Variants in SLC34A1 observed in about 807,000 individuals in gnomAD.
SLC34A1 encodes solute carrier family 34 member 1.
In SLC34A1, 57 loss-of-function variants were observed where a neutral mutation model predicts 51.4. That is an observed-to-expected ratio of 1.11 (90% confidence interval 0.90 to 1.38). The LOEUF (loss-of-function observed/expected upper bound fraction) is 1.38, where lower values mean the gene tolerates loss of function less well. Ranked by LOEUF, SLC34A1 falls within the 40% of genes most tolerant of loss-of-function variation. The pLI, the probability that SLC34A1 is intolerant of heterozygous loss-of-function variation, is 0.00. For synonymous variants in SLC34A1, 368 were observed against 358.0 expected (o/e 1.03, Z -0.32); for missense variants, 796 against 835.6 (o/e 0.95, Z 0.58).
In SLC34A1 at chr5:177,397,958, T is replaced by A; in HGVS notation, c.1592T>A (p.Phe531Tyr). The change falls in exon 13 of 13, where the codon TTT (phenylalanine) becomes TAT (tyrosine). Residue 531 changes from phenylalanine (F) to tyrosine (Y), a missense_variant. Phe to Tyr is a conservative substitution (Grantham distance 22). Transcript: ENST00000324417. Reference sequence around the variant, plus strand: ...TTCCTGCTGCTGCCCTCACTGGTGTTTGGCATCTCCATGGCAGGCTGGCAG... The same window carrying A: ...TTCCTGCTGCTGCCCTCACTGGTGTATGGCATCTCCATGGCAGGCTGGCAG... ...VCFLLLPSLV[F>Y]GISMAGWQVM... The A allele has an allele frequency of 6.2e-7, 1 of 1,614,100 alleles. No individual in the cohort carries two copies. Among genetic ancestry groups the A allele is most frequent in the Non-Finnish European group, 8.5e-7 (1 of 1,180,020 alleles).
rs140110994 is a variant in SLC34A1 at position 177,386,838 on chromosome 5, C to T, written c.532+272C>T. ...GGGCAGGCGGGAACTCTCAGGTGGG[C>T]GCCGACACTGCAGTCCAGACAGGGC... is the stretch of plus-strand genomic sequence containing the variant. On this transcript the variant is annotated intron_variant, in intron 5 of 12. Transcript: ENST00000324417. This position sits in a 1 kb window ranked among gnomAD's most constrained non-coding sequence, Gnocchi z 4.8. 2.7e-5 allele frequency among the ~76,000 whole-genome samples: 4 copies of T among 145,798 alleles called. No homozygotes were observed. Among genetic ancestry groups the T allele is most frequent in the East Asian group, 4.0e-4 (2 of 4,958 alleles).
intron 10 of SLC34A1, among the ~76,000 whole-genome samples, chr5:177,395,898 T>C (rs1330795431): frequency 2.6e-5 from 4 of 152,212 alleles, no homozygotes; most frequent in Non-Finnish European, 5.9e-5. Flanking sequence ...CCTCCCAAAG[T>C]GCTGGGATTA....
chr5:177,393,478 G>A (rs1762870059), intron 8 of SLC34A1, among the ~76,000 whole-genome samples: 1 of 152,114 alleles, frequency 6.6e-6, no homozygotes, highest in African/African-American at 2.4e-5. Flanking sequence ...GGAGTGACAG[G>A]GCAGAACACA....
chr5:177,394,688 C>CTTTTTTTT (rs34736156), intron 10 of SLC34A1, among the ~76,000 whole-genome samples: 4 of 105,100 alleles, frequency 3.8e-5, no homozygotes, highest in African/African-American at 1.2e-4. Flanking sequence ...GAGACTTTGT[C>CTTTTTTTT]TTTTTTTTTT....
intron 5 of SLC34A1, among the ~76,000 whole-genome samples, chr5:177,387,043 G>A (rs949170793): frequency 2.6e-5 from 4 of 151,926 alleles, no homozygotes; most frequent in Non-Finnish European, 4.4e-5. Context: ...TTGAATAACT[G>A]GGTACCACAG....
At chr5:177,385,918 T>TCCCCCGCCTGTTCC (rs2127346094) in intron 2 of SLC34A1, 68 bp downstream of exon 2, 8 of 1,608,838 alleles carry the variant, frequency 5.0e-6, no homozygotes, top group Non-Finnish European at 6.8e-6. Flanking sequence ...TGAGGCCACT[T>TCCCCCGCCTGTTCC]CCCCCGCCTG....
In SLC34A1 at chr5:177,386,000, C is replaced by G. The variant is rs759907707; in HGVS notation, c.123C>G (p.Ile41Met). The G allele has an allele frequency of 1.9e-6, 3 of 1,610,430 alleles. No homozygotes were observed. Among genetic ancestry groups the G allele is most frequent in the African/African-American group, 2.7e-5 (2 of 74,884 alleles). Reference sequence around the variant, plus strand: ...CTCCCTCCCTAGTCCTACACAGGATCCCGGGGACCTCTGCCTATGCCTTCC... The same window carrying G: ...CTCCCTCCCTAGTCCTACACAGGATGCCGGGGACCTCTGCCTATGCCTTCC... ...YVPSPQVLHR[I>M]PGTSAYAFPS... The change falls in exon 3 of 13, where the codon ATC (isoleucine) becomes ATG (methionine). Residue 41 changes from isoleucine (I) to methionine (M), a missense_variant. Transcript: ENST00000324417.
intron 12 of SLC34A1, 125 bp downstream of exon 12, chr5:177,397,199 C>G: frequency 7.8e-7 from 1 of 1,283,882 alleles, no homozygotes; most frequent in Non-Finnish European, 1.1e-6. Context: ...CTAATATGCT[C>G]AATGAAACCA....
Position 177,388,316 on chromosome 5 carries a change from G to T in SLC34A1, c.880G>T (p.Glu294Ter). 6.2e-7 allele frequency: 1 copy of T among 1,614,176 alleles called. No individual in the cohort carries two copies. The highest frequency in any genetic ancestry group is 1.3e-5 in the African/African-American group (1 of 75,026). ...SVITSIATGD[E>*]SLRNHSLIQI... ...GATAACCAGCATTGCCACTGGTGAT[G>T]AGTCCCTGAGGAACCACAGTCTCAT... Residue 294 changes from glutamate (E) to a stop codon, truncating the protein, a stop_gained, in exon 8 of 13, where the codon GAG (glutamate) becomes TAG (stop). Coordinates refer to ENST00000324417, the MANE Select transcript of SLC34A1 (RefSeq NM_003052.5). LOFTEE classifies it high-confidence loss of function. This position sits in a 1 kb window ranked among gnomAD's most constrained non-coding sequence, Gnocchi z 4.3.
intron 12 of SLC34A1, chr5:177,397,307 T>C: frequency 1.8e-6 from 1 of 570,090 alleles, no homozygotes; most frequent in South Asian, 2.0e-5. Flanking sequence ...TGAGTCGGAT[T>C]TGCACCATAA....
rs1363915804 is a variant in SLC34A1, at chr5:177,386,818, G to A, written c.532+252G>A. ...CGTAGGCCAGGGCATTGGAAGGGCA[G>A]GCGGGAACTCTCAGGTGGGCGCCGA... On this transcript the variant is annotated intron_variant, in intron 5 of 12. Coordinates refer to ENST00000324417, the MANE Select transcript of SLC34A1 (RefSeq NM_003052.5). The surrounding 1 kb of genome is among the most constrained non-coding windows in gnomAD (Gnocchi z 4.8). 6.6e-6 allele frequency among the ~76,000 whole-genome samples: 1 copy of A among 152,158 alleles called. No individual in the cohort carries two copies. Among genetic ancestry groups the A allele is most frequent in the Non-Finnish European group, 1.5e-5 (1 of 68,030 alleles).
rs1283776982 is a variant in SLC34A1, at chr5:177,396,806, C to T, written c.1248C>T (p.Val416=). Residue 416 remains valine, a synonymous_variant, in exon 11 of 13, where the codon GTC becomes GTT. Transcript: ENST00000324417. This position sits in a 1 kb window ranked among gnomAD's most constrained non-coding sequence, Gnocchi z 4.0. ...TGGGCGCCAGCATGACCTTCGTGGT[C>T]CAGAGCAGTTCTGTGTTCACCTCGG... ...MVVGASMTFV[V]QSSSVFTSAI... is the part of the protein sequence containing the mutation. 2 of 1,614,234 alleles carry T rather than the reference C, an allele frequency of 1.2e-6. No individual in the cohort carries two copies. The highest frequency in any genetic ancestry group is 3.3e-5 in the Admixed American group (2 of 60,034).
At chr5:177,393,976 G>C in intron 9 of SLC34A1, 52 bp from the exon 10 acceptor site, 1 of 1,608,802 alleles carries the variant, frequency 6.2e-7, no homozygotes. Context: ...GCAAAGGTGG[G>C]GACCTGGGAG....
rs59451832 is a variant in SLC34A1, at chr5:177,386,768, A to T, written c.532+202A>T. On this transcript the variant is annotated intron_variant, in intron 5 of 12. Transcript: ENST00000324417. The surrounding 1 kb of genome is among the most constrained non-coding windows in gnomAD (Gnocchi z 4.8). ...GCAAGGAACTGGCTTCCCCGATGGT[A>T]GTTTGTCTGGGCAAGTCAGGAATCC... Among the ~76,000 whole-genome samples the T allele has an allele frequency of 6.6e-6, 1 of 151,958 alleles. No homozygotes were observed. Among genetic ancestry groups the T allele is most frequent in the Non-Finnish European group, 1.5e-5 (1 of 67,996 alleles).
At chr5:177,385,595 GT>G in intron 1 of SLC34A1, 99 bp from the exon 2 acceptor site, 1 of 700,356 alleles carries the variant, frequency 1.4e-6, no homozygotes, top group East Asian at 2.7e-5. Context: ...GATGGAGGGT[GT>G]GCTTTGCTAG....
chr5:177,393,558 G>C, intron 8 of SLC34A1, 136 bp from the exon 9 acceptor site: 1 of 798,374 alleles, frequency 1.3e-6, no homozygotes, highest in Non-Finnish European at 2.2e-6. Context: ...CAGGCTCAGA[G>C]AGGGCAAGAG....
rs771334532 is a variant in SLC34A1, at chr5:177,387,869, C to T, written c.640C>T (p.Arg214Trp). ...GCAGGCGGGGGACAGGACTGACTTCCGGCGGTGAGGGGGGCTGGGGGTTGG... is the reference window on the plus strand; with the variant it reads ...GCAGGCGGGGGACAGGACTGACTTCTGGCGGTGAGGGGGGCTGGGGGTTGG... ...LMQAGDRTDF[R>W]RAFAGATVHD... Residue 214 changes from arginine (R) to tryptophan (W), a missense_variant, in exon 6 of 13, where the codon CGG becomes TGG. Arg to Trp is a moderately radical substitution (Grantham distance 101). Coordinates refer to ENST00000324417, the MANE Select transcript of SLC34A1 (RefSeq NM_003052.5). The T allele has an allele frequency of 3.0e-5, 28 of 924,980 alleles. No homozygotes were observed. The highest frequency in any genetic ancestry group is 4.3e-5 in the East Asian group (1 of 23,334). The allele number at this position is 924,980 out of a possible 1,614,324, so 57.3% of individuals were successfully genotyped here.
chr5:177,386,583 G>C lies in SLC34A1; in HGVS notation c.532+17G>C, dbSNP rs1451276586. 6.2e-7 allele frequency: 1 copy of C among 1,613,438 alleles called. No individual in the cohort carries two copies. Among genetic ancestry groups the C allele is most frequent in the East Asian group, 2.2e-5 (1 of 44,900 alleles). ...CCTCTGGCTGTGAGTTGGCCCACCA[G>C]GGTGGGGAAGAGCTTGGAGGGGCAC... On this transcript the variant is annotated intron_variant, in intron 5 of 12. Transcript: ENST00000324417. The surrounding 1 kb of genome is among the most constrained non-coding windows in gnomAD (Gnocchi z 4.8).
At position 177,397,999 on chromosome 5, in the gene SLC34A1, G is replaced by C; in HGVS notation, c.1633G>C (p.Gly545Arg). The C allele has an allele frequency of 6.2e-7, 1 of 1,614,090 alleles. No individual in the cohort carries two copies. Among genetic ancestry groups the C allele is most frequent in the Non-Finnish European group, 8.5e-7 (1 of 1,180,012 alleles). The change falls in exon 13 of 13, where the codon GGC becomes CGC. Residue 545 changes from glycine (G) to arginine (R), a missense_variant. Gly to Arg is a moderately radical substitution (Grantham distance 125, BLOSUM62 -2). Transcript: ENST00000324417. The stretch of plus-strand genomic sequence containing the variant: ...AGGCTGGCAGGTCATGGTAGGTGTG[G>C]GCACGCCCTTCGGGGCCCTGCTGGC... ...MAGWQVMVGV[G>R]TPFGALLAFV...
Sources: gnomAD v4.1 joint callset for allele counts (sites outside exome capture counted in the v4.1 genomes callset) on GRCh38, gnomAD v4.1.1 for gene constraint, Gnocchi (gnomAD v3.1) non-coding constraint, MANE v1.5 for transcripts, NCBI Gene and HGNC (gene_info 2026-07-23, HGNC 2026-07-21) for gene names.